FER1L6: variants seen among roughly 807,000 people sequenced by gnomAD.
FER1L6 encodes fer-1-like protein 6.
Under a neutral mutation model 219.2 loss-of-function variants are expected in FER1L6, and 177 were observed. The ratio of observed to expected loss-of-function variants is 0.81; its 90% CI spans 0.71 to 0.91. The LOEUF (loss-of-function observed/expected upper bound fraction) is 0.91, where lower values mean the gene tolerates loss of function less well. Ranked by LOEUF, FER1L6 falls within the 40% of genes least tolerant of loss-of-function variation. FER1L6 has a pLI of 0.00. For synonymous variants in FER1L6, 768 were observed against 824.3 expected, an observed-to-expected ratio of 0.93 and a Z score of 1.17; for missense variants, 2,153 against 2,259.9, an observed-to-expected ratio of 0.95 and a Z score of 0.96.
chr8:124,095,762 C>G (rs1208504599), intron 35 of FER1L6, among the ~76,000 whole-genome samples: 1 of 152,202 alleles, frequency 6.6e-6, no homozygotes, highest in Admixed American at 6.5e-5. Flanking sequence ...TTTTCCTAAA[C>G]AACGGAGTGA....
At chr8:123,978,830 C>A (rs1429951802) in intron 10 of FER1L6, among the ~76,000 whole-genome samples, 4 of 152,084 alleles carry the variant, frequency 2.6e-5, no homozygotes, top group East Asian at 1.9e-4. Flanking sequence ...TAAATAAATA[C>A]CTTTGTCTAA....
At chr8:124,069,781 A>C (rs1820990145) in intron 29 of FER1L6, among the ~76,000 whole-genome samples, 2 of 152,192 alleles carry the variant, frequency 1.3e-5, no homozygotes, top group African/African-American at 4.8e-5. Context: ...TCATCATGCA[A>C]ATGTGTACAC....
At chr8:123,928,949 G>A (rs1465515683) in intron 1 of FER1L6, among the ~76,000 whole-genome samples, 1 of 152,146 alleles carries the variant, frequency 6.6e-6, no homozygotes, top group Non-Finnish European at 1.5e-5. Flanking sequence ...AAATGGGGGT[G>A]ACTTAATTAC....
chr8:124,017,661 G>A lies in FER1L6; in HGVS notation c.1956G>A (p.Lys652=), dbSNP rs1258492973. The A allele has an allele frequency of 6.2e-7, 1 of 1,613,776 alleles. No homozygotes were observed. The highest frequency in any genetic ancestry group is 8.5e-7 in the Non-Finnish European group (1 of 1,179,748). Residue 652 remains lysine (K), a synonymous_variant, in exon 16 of 41, where the codon AAG becomes AAA. Coordinates refer to ENST00000522917, the MANE Select transcript of FER1L6 (RefSeq NM_001039112.2). Reference sequence around the variant, plus strand: ...TCTCTGAAGCAGAAAAAAAGCCCAAGATGTTGAACCAAACCACTTTAGATA... The same window carrying A: ...TCTCTGAAGCAGAAAAAAAGCCCAAAATGTTGAACCAAACCACTTTAGATA... ...AFISEAEKKP[K]MLNQTTLDKK... is the part of the protein sequence containing the mutation.
chr8:123,863,139 A>T, intron 1 of FER1L6, among the ~76,000 whole-genome samples: 1 of 102,198 alleles, frequency 9.8e-6, no homozygotes, highest in Non-Finnish European at 2.0e-5. Flanking sequence ...TTCCCTCTAC[A>T]CACTGCTTTG....
At chr8:124,093,756 G>A (rs1453480906) in intron 34 of FER1L6, among the ~76,000 whole-genome samples, 1 of 42,544 alleles carries the variant, frequency 2.4e-5, no homozygotes, top group African/African-American at 1.0e-4. Flanking sequence ...ATTGCTATTG[G>A]GAGATTTTTT....
chr8:123,936,309 T>G (rs1310172829), intron 1 of FER1L6, among the ~76,000 whole-genome samples: 4 of 152,240 alleles, frequency 2.6e-5, no homozygotes, highest in African/African-American at 4.8e-5. Context: ...GGGGATGGTA[T>G]GCAGAGCAGC....
chr8:124,115,520 GCCT>G (rs761090381), intron 39 of FER1L6, among the ~76,000 whole-genome samples: 7 of 152,048 alleles, frequency 4.6e-5, no homozygotes, highest in African/African-American at 7.2e-5. Flanking sequence ...AATATTCTCT[GCCT>G]CCTTTTTCTT....
chr8:124,053,777 G>T (rs1434896157), intron 22 of FER1L6, among the ~76,000 whole-genome samples: 1 of 152,126 alleles, frequency 6.6e-6, no homozygotes, highest in Non-Finnish European at 1.5e-5. Context: ...AGGATTACTT[G>T]AGCCTGGGAG....
chr8:124,050,194 C>T (rs934161749), intron 22 of FER1L6, among the ~76,000 whole-genome samples: 2 of 152,168 alleles, frequency 1.3e-5, no homozygotes, highest in Non-Finnish European at 2.9e-5. Flanking sequence ...TCCCATTTTA[C>T]AGATAGTAAA....
Position 123,852,285 on chromosome 8 carries a change from C to T in FER1L6, c.-8+100C>T. The T allele has an allele frequency of 6.6e-6, 1 of 152,230 alleles. No homozygotes were observed. Among genetic ancestry groups the T allele is most frequent in the East Asian group, 1.9e-4 (1 of 5,188 alleles). The allele number at this position is 152,230 out of a possible 1,614,324, so 9.4% of individuals were successfully genotyped here. A position where few individuals can be genotyped will look rare whatever the true frequency, so the allele number is the denominator to read the frequency against. On this transcript the variant is annotated intron_variant, in intron 1 of 40. Transcript: ENST00000522917. The surrounding 1 kb of genome is among the most constrained non-coding windows in gnomAD (Gnocchi z 4.9). ...TATTCCAGTAAGGACAAAATGCTTC[C>T]CCTCCCTTCCACAATGGAAGCAGTC... is the stretch of plus-strand genomic sequence containing the variant.
At position 123,962,092 on chromosome 8, in the gene FER1L6, C is replaced by T. The variant is rs146903462; in HGVS notation, c.77-1186C>T. On this transcript the variant is annotated intron_variant, in intron 2 of 40. Coordinates refer to ENST00000522917, the MANE Select transcript of FER1L6 (RefSeq NM_001039112.2). ...TTTTAGTAGAGATGGGGTTTCACCA[C>T]GTTAGCCAGGATGGTCTCGATATCT... Among the ~76,000 whole-genome samples, 168 of 152,000 alleles carry T rather than the reference C, an allele frequency of 1.1e-3. 2 individuals carry two copies. In the East Asian group the frequency reaches 0.03, roughly 27 times the overall value.
At chr8:123,898,730 T>A (rs1340703276) in intron 1 of FER1L6, among the ~76,000 whole-genome samples, 1 of 144,644 alleles carries the variant, frequency 6.9e-6, no homozygotes, top group Non-Finnish European at 1.5e-5. Flanking sequence ...TGTGTATATA[T>A]AGTATATATA....
chr8:124,060,737 G>C (rs760586380), intron 24 of FER1L6, 28 bp downstream of exon 24: 1 of 1,602,202 alleles, frequency 6.2e-7, no homozygotes, highest in African/African-American at 1.3e-5. Context: ...TCCCGACCTG[G>C]CTCATTCCTC....
intron 1 of FER1L6, among the ~76,000 whole-genome samples, chr8:123,872,092 C>T (rs894434518): frequency 1.3e-5 from 2 of 152,126 alleles, no homozygotes; most frequent in Admixed American, 6.6e-5. Context: ...AGGTGTCTCA[C>T]ATGGCAGGAG....
chr8:124,045,717 C>T (rs1328132518), intron 20 of FER1L6, 50 bp from the exon 21 acceptor site: 7 of 1,605,962 alleles, frequency 4.4e-6, no homozygotes, highest in Non-Finnish European at 8.5e-7. Context: ...CTTAGAGCCC[C>T]TATAACTCAA....
rs765574382 is a variant in FER1L6, at chr8:123,966,188, G to A, written c.282G>A (p.Gln94=). ...QIAITITEAR[Q]LVGENIDPVV... ...CCATAACCATCACCGAGGCTCGCCA[G>A]CTGGTGGGTGAGAACATTGACCCAG... The change falls in exon 5 of 41, where the codon CAG becomes CAA. Residue 94 remains glutamine, a synonymous_variant. Coordinates refer to ENST00000522917, the MANE Select transcript of FER1L6 (RefSeq NM_001039112.2). 2 of 1,614,126 alleles carry A rather than the reference G, an allele frequency of 1.2e-6. No homozygotes were observed. Among genetic ancestry groups the A allele is most frequent in the Non-Finnish European group, 1.7e-6 (2 of 1,180,020 alleles).
At chr8:124,082,954 G>C (rs1345820542) in intron 33 of FER1L6, among the ~76,000 whole-genome samples, 1 of 151,774 alleles carries the variant, frequency 6.6e-6, no homozygotes. Context: ...TTTTTCAAAT[G>C]TATCTTTAAT....
chr8:124,118,886 G>T lies in FER1L6; in HGVS notation c.5332G>T (p.Ala1778Ser). 1 of 1,614,026 alleles carries T rather than the reference G, an allele frequency of 6.2e-7. No homozygotes were observed. Among genetic ancestry groups the T allele is most frequent in the Non-Finnish European group, 8.5e-7 (1 of 1,179,956 alleles). Residue 1778 changes from alanine to serine, a missense_variant, in exon 40 of 41, where the codon GCT becomes TCT. Transcript: ENST00000522917. ...GTTCCACCTAGTTACAGCAGAAGAA[G>T]CTGAGAAAAATCCTGTTGGAAAAGC... The part of the protein sequence containing the change: ...AEFHLVTAEE[A>S]EKNPVGKARK...
Sources: allele counts gnomAD v4.1 joint callset (sites outside exome capture counted in the v4.1 genomes callset), GRCh38; gene constraint gnomAD v4.1.1; non-coding constraint Gnocchi (gnomAD v3.1); transcripts MANE v1.5; gene names NCBI Gene and HGNC (gene_info 2026-07-23, HGNC 2026-07-21).